Variants in ARG2 observed in about 807,000 individuals in gnomAD.
ARG2 encodes the protein arginase-2, mitochondrial.
Under a neutral mutation model 39.4 loss-of-function variants are expected in ARG2, and 21 were observed. The observed-to-expected ratio is 0.53, with a 90% CI of 0.38 to 0.77. The LOEUF (loss-of-function observed/expected upper bound fraction) is 0.77. Among genes scored for constraint, ARG2 ranks in the 30% least tolerant of loss-of-function variants. The pLI, the probability that ARG2 is intolerant of heterozygous loss-of-function variation, is 0.00. For synonymous variants in ARG2, 150 were observed against 156.7 expected (o/e 0.96, Z 0.32); for missense variants, 378 against 426.2 (o/e 0.89, Z 1.00).
intron 2 of ARG2, among the ~76,000 whole-genome samples, chr14:67,621,309 G>T (rs1450499382): frequency 1.3e-5 from 2 of 152,094 alleles, no homozygotes; most frequent in East Asian, 1.9e-4. Context: ...AGATGCTTAT[G>T]ATTTATCAGT....
intron 2 of ARG2, among the ~76,000 whole-genome samples, chr14:67,621,775 C>G (rs759819990): frequency 6.6e-6 from 1 of 151,502 alleles, no homozygotes; most frequent in Non-Finnish European, 1.5e-5. Context: ...AAGGGAGAAC[C>G]CTTCTCTTAG....
In ARG2 at chr14:67,642,241, T is replaced by A; in HGVS notation, c.240T>A (p.Asp80Glu). ...GTTTTACTCCAGTCCCCAAAGATGA[T>A]CTCTACAACAACCTGATAGTGAATC... ...DLSFTPVPKD[D>E]LYNNLIVNPR... The change falls in exon 3 of 8, where the codon GAT (aspartate) becomes GAA (glutamate). Residue 80 changes from aspartate to glutamate, a missense_variant. By Grantham distance (45) the Asp-to-Glu change is conservative (BLOSUM62 2). Coordinates refer to ENST00000261783, the MANE Select transcript of ARG2 (RefSeq NM_001172.4). 1.9e-6 allele frequency: 3 copies of A among 1,614,122 alleles called. No homozygotes were observed. The highest frequency in any genetic ancestry group is 1.3e-5 in the African/African-American group (1 of 75,034).
At chr14:67,635,857 A>T (rs2036966610) in intron 2 of ARG2, among the ~76,000 whole-genome samples, 1 of 152,154 alleles carries the variant, frequency 6.6e-6, no homozygotes, top group Admixed American at 6.5e-5. Context: ...ATCTAAAAAA[A>T]ATTTTTTTTA....
intron 2 of ARG2, among the ~76,000 whole-genome samples, chr14:67,637,739 A>G (rs1037647940): frequency 6.6e-6 from 1 of 152,242 alleles, no homozygotes; most frequent in Non-Finnish European, 1.5e-5. Context: ...ATAGTTTAAC[A>G]TAAATTTGTA....
intron 2 of ARG2, among the ~76,000 whole-genome samples, chr14:67,634,731 C>G (rs961343269): frequency 2.0e-5 from 3 of 152,116 alleles, no homozygotes; most frequent in African/African-American, 7.2e-5. Flanking sequence ...TTACTTTAGA[C>G]AGATGGTGCA....
chr14:67,650,036 A>C (rs1490076972), intron 7 of ARG2: 1 of 152,332 alleles, frequency 6.6e-6, no homozygotes, highest in Admixed American at 6.5e-5. Context: ...ACCTTAACAG[A>C]AGGTAACTGA....
intron 2 of ARG2, among the ~76,000 whole-genome samples, chr14:67,640,110 T>G (rs1345827538): frequency 6.6e-6 from 1 of 152,074 alleles, no homozygotes; most frequent in African/African-American, 2.4e-5. Flanking sequence ...TTTTTGTCTT[T>G]TTTTAAAAAA....
chr14:67,623,963 C>T (rs754714123), intron 2 of ARG2, among the ~76,000 whole-genome samples: 35 of 152,138 alleles, frequency 2.3e-4, no homozygotes, highest in Non-Finnish European at 4.6e-4. Context: ...ACTTTAGCCT[C>T]TTGAGTAGCT....
At chr14:67,638,564 C>T (rs2036996802) in intron 2 of ARG2, among the ~76,000 whole-genome samples, 2 of 152,246 alleles carry the variant, frequency 1.3e-5, no homozygotes, top group South Asian at 4.2e-4. Context: ...CCCCTGACTC[C>T]TTTAGGACTC....
At chr14:67,630,294 G>A (rs538686378) in intron 2 of ARG2, among the ~76,000 whole-genome samples, 45 of 152,334 alleles carry the variant, frequency 3.0e-4, no homozygotes, top group Middle Eastern at 3.4e-3. Context: ...TCACTCTCAA[G>A]TAAACAATTT....
At chr14:67,621,824 C>T (rs962189058) in intron 2 of ARG2, among the ~76,000 whole-genome samples, 11 of 151,358 alleles carry the variant, frequency 7.3e-5, no homozygotes, top group East Asian at 5.9e-4. Flanking sequence ...AAGCAGGGTG[C>T]GGTGGCTCAT....
At position 67,642,257 on chromosome 14, in the gene ARG2, A is replaced by G. The variant is rs1187383717; in HGVS notation, c.256A>G (p.Ile86Val). 4.3e-6 allele frequency: 7 copies of G among 1,614,118 alleles called. No individual in the cohort carries two copies. Among genetic ancestry groups the G allele is most frequent in the South Asian group, 3.3e-5 (3 of 91,080 alleles). Residue 86 changes from isoleucine to valine, a missense_variant, in exon 3 of 8, where the codon ATA becomes GTA. Physicochemically the swap from Ile to Val is conservative, Grantham distance 29. Transcript: ENST00000261783. Reference sequence around the variant, plus strand: ...CAAAGATGATCTCTACAACAACCTGATAGTGAATCCACGCTCAGTGGGTCT... The same window carrying G: ...CAAAGATGATCTCTACAACAACCTGGTAGTGAATCCACGCTCAGTGGGTCT... ...VPKDDLYNNL[I>V]VNPRSVGLAN... is the part of the protein sequence containing the mutation.
In ARG2 at chr14:67,651,337, C is replaced by T. The variant is rs2037172992; in HGVS notation, c.*417C>T. The T allele has an allele frequency of 1.2e-6, 2 of 1,611,600 alleles. No individual in the cohort carries two copies. Among genetic ancestry groups the T allele is most frequent in the Non-Finnish European group, 1.7e-6 (2 of 1,178,540 alleles). ...TTCTATCCACATCCCTAACATCATG[C>T]ATTCACAAGGTCAAAGTTCTGGTCC... On this transcript the variant is annotated 3_prime_UTR_variant, in exon 8 of 8. Transcript: ENST00000261783.
At chr14:67,627,464 T>G (rs1482745623) in intron 2 of ARG2, among the ~76,000 whole-genome samples, 1 of 152,138 alleles carries the variant, frequency 6.6e-6, no homozygotes, top group Admixed American at 6.6e-5. Context: ...GCTCTAGTTT[T>G]GGGCATTGAA....
At chr14:67,644,198 T>C (rs539210798) in intron 3 of ARG2, among the ~76,000 whole-genome samples, 66 of 152,318 alleles carry the variant, frequency 4.3e-4, no homozygotes, top group Admixed American at 5.9e-4. Context: ...ATAACTTGAA[T>C]AGCTGTTGAA....
At chr14:67,629,027 C>T (rs1354550753) in intron 2 of ARG2, among the ~76,000 whole-genome samples, 3 of 152,118 alleles carry the variant, frequency 2.0e-5, no homozygotes, top group Admixed American at 6.6e-5. Flanking sequence ...ATATAATGGA[C>T]TATCATTCAT....
intron 3 of ARG2, 31 bp downstream of exon 3, chr14:67,642,394 T>C (rs755671277): frequency 1.2e-6 from 2 of 1,609,336 alleles, no homozygotes; most frequent in Non-Finnish European, 1.7e-6. Flanking sequence ...GGTGAGGGGA[T>C]GGATTACATG....
At chr14:67,625,546 G>A (rs1033193476) in intron 2 of ARG2, among the ~76,000 whole-genome samples, 7 of 151,886 alleles carry the variant, frequency 4.6e-5, no homozygotes, top group Non-Finnish European at 1.0e-4. Flanking sequence ...CGGGCATGGT[G>A]GTGCATGCCT....
In ARG2 at chr14:67,648,172, T is replaced by C. The variant is rs918426891; in HGVS notation, c.848T>C (p.Ile283Thr). ...GAAGGCATGTATATTGCTGAGGAAA[T>C]ACACAATACAGGTATGTAGCAACCA... ...YREGMYIAEE[I>T]HNTGLLSALD... Residue 283 changes from isoleucine (I) to threonine (T), a missense_variant, in exon 7 of 8, where the codon ATA becomes ACA. By Grantham distance (89) the Ile-to-Thr change is moderately conservative. Transcript: ENST00000261783. 2 of 1,613,706 alleles carry C rather than the reference T, an allele frequency of 1.2e-6. No individual in the cohort carries two copies. The highest frequency in any genetic ancestry group is 2.7e-5 in the African/African-American group (2 of 74,910).
Sources: gnomAD v4.1 joint callset for allele counts (sites outside exome capture counted in the v4.1 genomes callset) on GRCh38, gnomAD v4.1.1 for gene constraint, MANE v1.5 for transcripts, NCBI Gene and HGNC (gene_info 2026-07-23, HGNC 2026-07-21) for gene names.